Variants in PCDH19 observed in about 807,000 individuals in gnomAD.
The protein encoded by PCDH19 is protocadherin-19.
A neutral mutation model predicts 46.2 loss-of-function variants in PCDH19; 6 were observed. The observed-to-expected ratio is 0.13, with a 90% CI of 0.07 to 0.26. The LOEUF (loss-of-function observed/expected upper bound fraction) is 0.26. Ranked by LOEUF, PCDH19 falls within the 10% of genes least tolerant of loss-of-function variation. The pLI is 1.00. For missense variants in PCDH19, 740 were observed against 972.3 expected (o/e 0.76, Z 3.18); for synonymous variants, 481 against 415.7 (o/e 1.16, Z -1.91).
At chrX:100,314,943 T>G (rs752720477) in intron 5 of PCDH19, among the ~76,000 whole-genome samples, 1 of 112,139 alleles carries the variant, frequency 8.9e-6, no homozygotes, top group Non-Finnish European at 1.9e-5. Flanking sequence ...CTTAGTTCTA[T>G]AAGACCTCAT....
chrX:100,359,811 ATGTGTGTG>A (rs1328985698), intron 3 of PCDH19, among the ~76,000 whole-genome samples: 1 of 63,087 alleles, frequency 1.6e-5, no homozygotes, highest in African/African-American at 4.2e-5. Flanking sequence ...GTGTGTGTGT[ATGTGTGTG>A]TGTGTGTGTC....
intron 3 of PCDH19, among the ~76,000 whole-genome samples, chrX:100,354,460 G>A (rs143573559): frequency 0.047 from 5,263 of 111,542 alleles, 282 homozygotes; most frequent in African/African-American, 0.16. Flanking sequence ...GGCACTGGGT[G>A]ATTTTTTTAA....
intron 3 of PCDH19, among the ~76,000 whole-genome samples, chrX:100,385,463 T>C (rs1248676694): frequency 8.9e-6 from 1 of 112,306 alleles, no homozygotes; most frequent in Admixed American, 9.5e-5. Context: ...CATCATGGTG[T>C]TATTTATATA....
At chrX:100,300,959 A>G (rs1924760377) in intron 5 of PCDH19, among the ~76,000 whole-genome samples, 1 of 110,021 alleles carries the variant, frequency 9.1e-6, no homozygotes, top group African/African-American at 3.3e-5. Flanking sequence ...AGGGTACAAG[A>G]GGCAAAAGAG....
chrX:100,333,940 C>G (rs1175277598), intron 5 of PCDH19, among the ~76,000 whole-genome samples: 1 of 109,421 alleles, frequency 9.1e-6, no homozygotes, highest in Non-Finnish European at 1.9e-5. Flanking sequence ...CAGGCATGTG[C>G]CACCATGCCC....
chrX:100,339,676 A>T (rs1045832575), intron 5 of PCDH19, among the ~76,000 whole-genome samples: 5 of 112,016 alleles, frequency 4.5e-5, no homozygotes, highest in Non-Finnish European at 5.6e-5. Context: ...GTATTATTAC[A>T]GAAAGCTTCA....
At chrX:100,344,232 C>G (rs1251491203) in intron 4 of PCDH19, among the ~76,000 whole-genome samples, 1 of 111,972 alleles carries the variant, frequency 8.9e-6, no homozygotes, top group East Asian at 2.8e-4. Flanking sequence ...TTATGTCACA[C>G]AGCTAACTCA....
chrX:100,369,871 T>C (rs1927169284), intron 3 of PCDH19, among the ~76,000 whole-genome samples: 1 of 112,123 alleles, frequency 8.9e-6, no homozygotes, highest in Non-Finnish European at 1.9e-5. Flanking sequence ...TAATACCTCT[T>C]ATAATCAGAA....
chrX:100,350,242 G>A (rs945956021), intron 4 of PCDH19, among the ~76,000 whole-genome samples: 3 of 111,733 alleles, frequency 2.7e-5, no homozygotes, highest in Non-Finnish European at 3.8e-5. Context: ...ACATGATTGT[G>A]AAAGTTTTCT....
chrX:100,403,675 AT>A lies in PCDH19; in HGVS notation c.2148-12del. 3.4e-6 allele frequency: 4 copies of A among 1,192,883 alleles called. No individual in the cohort carries two copies. Among genetic ancestry groups the A allele is most frequent in the Non-Finnish European group, 4.5e-6 (4 of 884,082 alleles). On this transcript the variant is annotated splice_polypyrimidine_tract_variant and intron_variant, in intron 1 of 5. Coordinates refer to ENST00000373034, the MANE Select transcript of PCDH19 (RefSeq NM_001184880.2). Reference sequence around the variant, plus strand: ...ATGGTTAAACAATTACTGCAAAGGAATTTAAAGGTTAGTGCATTCAGCATCC... The same window carrying A: ...ATGGTTAAACAATTACTGCAAAGGAATTAAAGGTTAGTGCATTCAGCATCC...
At chrX:100,405,558 T>TCCC (rs1244771893) in intron 1 of PCDH19, among the ~76,000 whole-genome samples, 16 of 80,955 alleles carry the variant, frequency 2.0e-4, no homozygotes, top group Non-Finnish European at 2.5e-4. Flanking sequence ...CCTCTCTCTC[T>TCCC]CCCTCCCCCC....
chrX:100,340,385 G>A (rs1926218972), intron 5 of PCDH19, among the ~76,000 whole-genome samples: 1 of 111,989 alleles, frequency 8.9e-6, no homozygotes, highest in Non-Finnish European at 1.9e-5. Context: ...CTTTCCTGGA[G>A]TCATTTCATT....
chrX:100,357,152 G>A (rs968176621), intron 3 of PCDH19, among the ~76,000 whole-genome samples: 1 of 111,551 alleles, frequency 9.0e-6, no homozygotes, highest in African/African-American at 3.3e-5. Flanking sequence ...CAGACATTCA[G>A]GTAAATACAC....
intron 3 of PCDH19, among the ~76,000 whole-genome samples, chrX:100,374,218 G>C (rs1927308092): frequency 8.9e-6 from 1 of 112,675 alleles, no homozygotes; most frequent in African/African-American, 3.2e-5. Flanking sequence ...TTGTATGGCT[G>C]TCATGACAAC....
chrX:100,356,251 A>T (rs1464924136), intron 3 of PCDH19, among the ~76,000 whole-genome samples: 2 of 112,053 alleles, frequency 1.8e-5, no homozygotes, highest in African/African-American at 6.5e-5. Flanking sequence ...CTCTTAAGTC[A>T]TTTTAGCAAT....
intron 4 of PCDH19, among the ~76,000 whole-genome samples, chrX:100,342,292 C>T (rs994445740): frequency 8.9e-6 from 1 of 111,856 alleles, no homozygotes; most frequent in Non-Finnish European, 1.9e-5. Flanking sequence ...CTAATATTTT[C>T]GTTCACTTAT....
chrX:100,296,606 C>A lies in PCDH19; in HGVS notation c.3118G>T (p.Asp1040Tyr). The A allele has an allele frequency of 8.3e-7, 1 of 1,211,534 alleles. No individual in the cohort carries two copies. Among genetic ancestry groups the A allele is most frequent in the South Asian group, 1.8e-5 (1 of 56,951 alleles). Residue 1040 changes from aspartate (D) to tyrosine (Y), a missense_variant, in exon 6 of 6, where the codon GAT becomes TAT. This residue lies in a region of PCDH19 where 416 missense variants were observed against 476.8 expected (regional missense o/e 0.87). Transcript: ENST00000373034. ...RPTLKGKRTV[D>Y]VTICSPKVNS... Reference sequence around the variant, plus strand: ...ACCTTGGGGCTGCAGATGGTCACATCGACAGTCCTCTTGCCTTTCAGGGTA... The same window carrying A: ...ACCTTGGGGCTGCAGATGGTCACATAGACAGTCCTCTTGCCTTTCAGGGTA...
intron 3 of PCDH19, among the ~76,000 whole-genome samples, chrX:100,368,966 T>C (rs1927145357): frequency 9.0e-6 from 1 of 111,710 alleles, no homozygotes; most frequent in Non-Finnish European, 1.9e-5. Flanking sequence ...AATAAAGGTA[T>C]GAATGACCTC....
Position 100,401,753 on chromosome X carries a change from CT to C in PCDH19, c.2616+770del, listed in dbSNP as rs759001299. ...GATAATTCTTATTCTTATTCTTACT[CT>C]TTTTTTTTTTCGTTGTTAGAGACGA... On this transcript the variant is annotated intron_variant, in intron 3 of 5. Transcript: ENST00000373034. Among the ~76,000 whole-genome samples the C allele has an allele frequency of 6.0e-4, 62 of 103,677 alleles. 1 individual carries two copies. The highest frequency in any genetic ancestry group is 4.9e-3 in the Middle Eastern group (1 of 205). 90.0% of individuals were successfully genotyped at this position (103,677 alleles called of 115,157 possible).
Sources: allele counts gnomAD v4.1 joint callset (sites outside exome capture counted in the v4.1 genomes callset), GRCh38; gene constraint gnomAD v4.1.1; regional missense constraint gnomAD v4.1.1; transcripts MANE v1.5; gene names NCBI Gene and HGNC (gene_info 2026-07-23, HGNC 2026-07-21).